The following CNIH3 variants were observed in gnomAD, a reference collection of about 807,000 sequenced individuals.
CNIH3 encodes the protein protein cornichon homolog 3.
Under a neutral mutation model 24.1 loss-of-function variants are expected in CNIH3, and 14 were observed. The ratio of observed to expected loss-of-function variants is 0.58; its 90% CI spans 0.38 to 0.91. CNIH3 has a LOEUF of 0.91. Ranked by LOEUF, CNIH3 falls within the 40% of genes least tolerant of loss-of-function variation. The pLI is 0.00. For synonymous variants in CNIH3, 68 were observed against 73.8 expected (o/e 0.92, Z 0.40); for missense variants, 178 against 196.8 (o/e 0.90, Z 0.57).
chr1:224,700,738 A>G (rs1356921233), intron 3 of CNIH3, among the ~76,000 whole-genome samples: 1 of 152,126 alleles, frequency 6.6e-6, no homozygotes, highest in African/African-American at 2.4e-5. Context: ...TCTCCATGCT[A>G]CCACACCTCT....
At chr1:224,630,102 A>T (rs1219870029) in intron 1 of CNIH3, among the ~76,000 whole-genome samples, 3 of 152,066 alleles carry the variant, frequency 2.0e-5, no homozygotes, top group East Asian at 3.9e-4. Context: ...GTTTCCCATG[A>T]TTTTAAGGCT....
intron 1 of CNIH3, among the ~76,000 whole-genome samples, chr1:224,650,263 A>G (rs1345471825): frequency 6.6e-6 from 1 of 152,114 alleles, no homozygotes; most frequent in Non-Finnish European, 1.5e-5. Context: ...TCCACTGTGA[A>G]GACTGAGGAG....
At position 224,697,633 on chromosome 1, in the gene CNIH3, C is replaced by T. The variant is rs79817501; in HGVS notation, c.198+12790C>T. 7.2e-3 allele frequency among the ~76,000 whole-genome samples: 1,100 copies of T among 152,206 alleles called. 11 individuals carry two copies. The highest frequency in any genetic ancestry group is 0.03 in the East Asian group (153 of 5,170). ...CTTTTCATGGTGGGAACTCTGCTTC[C>T]AGATGCTTCATTTTCCAGAATGTGA... On this transcript the variant is annotated intron_variant, in intron 3 of 5. Transcript: ENST00000272133.
At chr1:224,482,603 C>G (rs983702102) in intron 1 of CNIH3, among the ~76,000 whole-genome samples, 19 of 151,870 alleles carry the variant, frequency 1.3e-4, no homozygotes, top group Non-Finnish European at 1.5e-5. Flanking sequence ...TAGCTGTGCT[C>G]ATATCCAAGT....
chr1:224,718,875 G>C (rs149319537), intron 3 of CNIH3: 1 of 152,250 alleles, frequency 6.6e-6, no homozygotes, highest in South Asian at 2.1e-4. Flanking sequence ...GCCAGGTCGC[G>C]TGTCTGCTCT....
intron 3 of CNIH3, among the ~76,000 whole-genome samples, chr1:224,686,170 C>T (rs565946363): frequency 5.3e-4 from 68 of 127,132 alleles, no homozygotes; most frequent in African/African-American, 1.9e-3. Context: ...CCCCACCCCA[C>T]GACAGGCCCT....
downstream of CNIH3, among the ~76,000 whole-genome samples, chr1:224,592,013 G>C (rs1034523990): frequency 6.6e-6 from 1 of 152,146 alleles, no homozygotes; most frequent in African/African-American, 2.4e-5. Flanking sequence ...GGCTGTTGTT[G>C]TGGTTGGGTC....
At chr1:224,734,831 G>A in intron 5 of CNIH3, 125 bp downstream of exon 5, 1 of 968,910 alleles carries the variant, frequency 1.0e-6, no homozygotes, top group Non-Finnish European at 1.6e-6. Context: ...CCATTCAGGT[G>A]TAGTCCCAGC....
At chr1:224,645,170 T>C (rs1208220849) in intron 1 of CNIH3, among the ~76,000 whole-genome samples, 3 of 152,192 alleles carry the variant, frequency 2.0e-5, no homozygotes, top group Admixed American at 2.0e-4. Context: ...ACTGTATGCT[T>C]ACCTTATGCC....
At chr1:224,689,340 C>T (rs1428058128) in intron 3 of CNIH3, among the ~76,000 whole-genome samples, 1 of 152,180 alleles carries the variant, frequency 6.6e-6, no homozygotes, top group Non-Finnish European at 1.5e-5. Context: ...TTATTATCAT[C>T]CTGACCCTTA....
intron 3 of CNIH3, among the ~76,000 whole-genome samples, chr1:224,550,125 A>G (rs1679856443): frequency 6.6e-6 from 1 of 152,210 alleles, no homozygotes; most frequent in African/African-American, 2.4e-5. Flanking sequence ...ATGATAGTTT[A>G]TTAATATCAC....
At chr1:224,623,843 C>T (rs868249838) in intron 1 of CNIH3, among the ~76,000 whole-genome samples, 40 of 152,260 alleles carry the variant, frequency 2.6e-4, no homozygotes, top group African/African-American at 9.6e-4. Flanking sequence ...CAGGTCCACC[C>T]GTCCCCACCC....
intron 1 of CNIH3, among the ~76,000 whole-genome samples, chr1:224,461,314 T>A (rs927415042): frequency 2.0e-5 from 3 of 152,216 alleles, no homozygotes; most frequent in African/African-American, 7.2e-5. Context: ...CCATTGTATA[T>A]TTTAAACAAA....
intron 1 of CNIH3, among the ~76,000 whole-genome samples, chr1:224,474,254 C>T (rs12026590): frequency 0.54 from 81,659 of 151,574 alleles, 25,374 homozygotes; most frequent in East Asian, 0.93. Context: ...GTCCCAGCTA[C>T]TTGGGAGGCT....
intron 3 of CNIH3, among the ~76,000 whole-genome samples, chr1:224,699,859 G>A (rs575385192): frequency 1.4e-4 from 22 of 152,288 alleles, no homozygotes; most frequent in African/African-American, 5.1e-4. Context: ...TGGGTTGAAT[G>A]AAGGTTGCCA....
downstream of CNIH3, chr1:224,537,102 C>A (rs566289760): frequency 1.3e-5 from 2 of 152,128 alleles, no homozygotes; most frequent in African/African-American, 4.8e-5. Flanking sequence ...AAGATAGCTA[C>A]AAAGATTTTT....
intron 2 of CNIH3, among the ~76,000 whole-genome samples, chr1:224,528,851 C>T (rs1678947265): frequency 6.6e-6 from 1 of 152,108 alleles, no homozygotes; most frequent in African/African-American, 2.4e-5. Context: ...CACAAATATC[C>T]TACATTTTAG....
chr1:224,594,632 C>A lies in CNIH3; in HGVS notation n.402+28368C>A, dbSNP rs551081652. Among the ~76,000 whole-genome samples, 17 of 152,302 alleles carry A rather than the reference C, an allele frequency of 1.1e-4. No homozygotes were observed. The South Asian group carries it at 2.3e-3, about 20-fold the overall frequency. The stretch of plus-strand genomic sequence containing the variant: ...GCCACGGCCTTTACTGGGGTTTGCA[C>A]AGGAAAGGTCAGGCGGAGCAGCATA... On this transcript the variant is annotated intron_variant and non_coding_transcript_variant, in intron 3 of 7. Coordinates refer to the CNIH3 transcript ENST00000478120.
At position 224,704,897 on chromosome 1, in the gene CNIH3, G is replaced by T. The variant is rs1687695798; in HGVS notation, c.198+20054G>T. 6.6e-6 allele frequency among the ~76,000 whole-genome samples: 1 copy of T among 152,090 alleles called. No individual in the cohort carries two copies. The highest frequency in any genetic ancestry group is 2.4e-5 in the African/African-American group (1 of 41,396). On this transcript the variant is annotated intron_variant, in intron 3 of 5. Transcript: ENST00000272133. The surrounding 1 kb of genome is among the most constrained non-coding windows in gnomAD (Gnocchi z 4.2). ...GACTGAGGTGGGTGGATCACCTGAG[G>T]TCAAGAGTTCAAGACCAGCCTGACC...
Sources: allele counts gnomAD v4.1 joint callset (sites outside exome capture counted in the v4.1 genomes callset), GRCh38; gene constraint gnomAD v4.1.1; non-coding constraint Gnocchi (gnomAD v3.1); transcripts MANE v1.5; gene names NCBI Gene and HGNC (gene_info 2026-07-23, HGNC 2026-07-21).